The following EYS variants were observed in gnomAD, a reference collection of about 807,000 sequenced individuals.
The protein encoded by EYS is protein eyes shut homolog.
EYS carries 250 observed loss-of-function variants against 282.1 expected under a neutral mutation model. That is an observed-to-expected ratio of 0.89 (90% CI 0.80 to 0.98). The LOEUF (loss-of-function observed/expected upper bound fraction) is 0.98. Ranked by LOEUF, EYS falls within the 50% of genes least tolerant of loss-of-function variation. EYS has a pLI of 0.00. For missense variants in EYS, 4,016 were observed against 3,709.0 expected, an observed-to-expected ratio of 1.08 and a Z score of -2.15; for synonymous variants, 1,355 against 1,282.9, an observed-to-expected ratio of 1.06 and a Z score of -1.20.
intron 2 of EYS, among the ~76,000 whole-genome samples, chr6:65,609,457 C>T (rs1315648380): frequency 6.6e-6 from 1 of 152,060 alleles, no homozygotes; most frequent in East Asian, 1.9e-4. Flanking sequence ...AGCTGACTCT[C>T]CTTTTTCTAG....
At chr6:65,219,513 A>G (rs1766405713) in intron 12 of EYS, among the ~76,000 whole-genome samples, 12 of 152,136 alleles carry the variant, frequency 7.9e-5, no homozygotes, top group Admixed American at 7.2e-4. Flanking sequence ...TTTTTTTCAG[A>G]CTAAGAAATG....
chr6:65,057,614 C>T lies in EYS; in HGVS notation c.2137G>A (p.Val713Met). The change falls in exon 13 of 43, where the codon GTG (valine) becomes ATG (methionine). Residue 713 changes from valine (V) to methionine (M), a missense_variant and splice_region_variant. Val to Met is a conservative substitution (Grantham distance 21, BLOSUM62 1). Transcript: ENST00000503581. ...TTCCTTATCCCTTGGTGTTCATTAC[C>T]TTTAAATGGAGGCACACACTGGCAG... is the stretch of plus-strand genomic sequence containing the variant. ...YFCQCVPPFK[V>M]VDGFSCLCNP... The T allele has an allele frequency of 1.3e-6, 2 of 1,536,406 alleles. No individual in the cohort carries two copies. Among genetic ancestry groups the T allele is most frequent in the South Asian group, 2.4e-5 (2 of 83,724 alleles).
intron 13 of EYS, among the ~76,000 whole-genome samples, chr6:65,029,592 C>G (rs1772533783): frequency 6.6e-6 from 1 of 152,050 alleles, no homozygotes; most frequent in African/African-American, 2.4e-5. Context: ...TCTGCCACCC[C>G]CAAGACAGCA....
At chr6:65,560,257 T>G (rs1393952182) in intron 2 of EYS, among the ~76,000 whole-genome samples, 1 of 145,190 alleles carries the variant, frequency 6.9e-6, no homozygotes, top group Admixed American at 7.1e-5. Flanking sequence ...ACAATTATTA[T>G]ATATAATATA....
intron 12 of EYS, among the ~76,000 whole-genome samples, chr6:65,171,633 C>A (rs1444119616): frequency 6.6e-6 from 1 of 151,484 alleles, no homozygotes; most frequent in East Asian, 2.0e-4. Flanking sequence ...ACAGTTCACA[C>A]CAAGAAAAAA....
intron 26 of EYS, among the ~76,000 whole-genome samples, chr6:64,447,925 C>A (rs752978142): frequency 3.9e-5 from 6 of 152,054 alleles, no homozygotes; most frequent in Non-Finnish European, 5.9e-5. Flanking sequence ...AATAGCAATC[C>A]GTAAGGATAG....
chr6:65,231,317 TA>T (rs1239080999), intron 12 of EYS, among the ~76,000 whole-genome samples: 1 of 150,946 alleles, frequency 6.6e-6, no homozygotes, highest in Non-Finnish European at 1.5e-5. Flanking sequence ...ATAAAATATA[TA>T]AAAATCACAC....
chr6:64,793,376 C>G (rs538820829), intron 22 of EYS, among the ~76,000 whole-genome samples: 33 of 152,038 alleles, frequency 2.2e-4, no homozygotes, highest in Admixed American at 1.4e-3. Flanking sequence ...TTAAGTATGA[C>G]CTGGGAGGAA....
intron 31 of EYS, among the ~76,000 whole-genome samples, chr6:64,115,363 G>T (rs1038119945): frequency 6.6e-6 from 1 of 152,010 alleles, no homozygotes; most frequent in Non-Finnish European, 1.5e-5. Flanking sequence ...CTACCCAGGC[G>T]CCACACACCA....
At chr6:64,303,991 A>G (rs1234750797) in intron 30 of EYS, among the ~76,000 whole-genome samples, 4 of 152,214 alleles carry the variant, frequency 2.6e-5, no homozygotes, top group African/African-American at 9.6e-5. Context: ...CCTAAGACCA[A>G]CTTTTGATCA....
chr6:64,262,971 G>A (rs1485679535), intron 30 of EYS, among the ~76,000 whole-genome samples: 1 of 151,902 alleles, frequency 6.6e-6, no homozygotes, highest in Non-Finnish European at 1.5e-5. Context: ...CATGATTTTT[G>A]GAGTCAGACT....
chr6:64,500,942 T>C (rs1777019412), intron 26 of EYS, among the ~76,000 whole-genome samples: 1 of 152,040 alleles, frequency 6.6e-6, no homozygotes, highest in Non-Finnish European at 1.5e-5. Flanking sequence ...ACTTATTACG[T>C]TTGCTAAAAT....
At chr6:64,390,113 C>T (rs4481411) in intron 28 of EYS, among the ~76,000 whole-genome samples, 48 of 151,942 alleles carry the variant, frequency 3.2e-4, no homozygotes, top group Non-Finnish European at 6.3e-4. Flanking sequence ...CACCTGGCTC[C>T]GAGGGTCCTA....
At chr6:64,546,626 A>G (rs1258785379) in intron 26 of EYS, among the ~76,000 whole-genome samples, 1 of 152,226 alleles carries the variant, frequency 6.6e-6, no homozygotes, top group Non-Finnish European at 1.5e-5. Flanking sequence ...TACTCATCTG[A>G]CAAAGGGCTA....
At chr6:64,755,693 G>T (rs1268213838) in intron 22 of EYS, among the ~76,000 whole-genome samples, 1 of 152,062 alleles carries the variant, frequency 6.6e-6, no homozygotes, top group Non-Finnish European at 1.5e-5. Flanking sequence ...GCTAAATAAT[G>T]TGTACACAGG....
rs189181714 is a variant in EYS at position 65,405,977 on chromosome 6, T to C, written c.863-610A>G. 4.0e-3 allele frequency among the ~76,000 whole-genome samples: 614 copies of C among 152,206 alleles called. 5 individuals are homozygous for C. Among genetic ancestry groups the C allele is most frequent in the African/African-American group, 0.014 (581 of 41,568 alleles). On this transcript the variant is annotated intron_variant, in intron 5 of 42. Transcript: ENST00000503581. ...GATTTTATGGAAAATTCATGTTTAA[T>C]ATTTTAGGAAACTGCTAAACTGTTT... is the stretch of plus-strand genomic sequence containing the variant.
At chr6:65,209,125 C>G (rs1766108500) in intron 12 of EYS, among the ~76,000 whole-genome samples, 1 of 151,754 alleles carries the variant, frequency 6.6e-6, no homozygotes, top group East Asian at 1.9e-4. Context: ...TCCTGAAGCA[C>G]TTTAAGGTAA....
chr6:64,311,388 C>T, intron 29 of EYS, among the ~76,000 whole-genome samples: 1 of 152,078 alleles, frequency 6.6e-6, no homozygotes, highest in Non-Finnish European at 1.5e-5. Context: ...TGCATGGTAT[C>T]TTCATTTAAA....
intron 36 of EYS, among the ~76,000 whole-genome samples, chr6:63,824,007 C>T (rs953797773): frequency 6.6e-6 from 1 of 152,290 alleles, no homozygotes; most frequent in Non-Finnish European, 1.5e-5. Flanking sequence ...AACTCAGGAA[C>T]CTACTTCCAC....
Sources: allele counts gnomAD v4.1 joint callset (sites outside exome capture counted in the v4.1 genomes callset), GRCh38; gene constraint gnomAD v4.1.1; transcripts MANE v1.5; gene names NCBI Gene and HGNC (gene_info 2026-07-23, HGNC 2026-07-21).